IRS1: variants seen among roughly 807,000 people sequenced by gnomAD.
IRS1 encodes insulin receptor substrate 1.
IRS1 carries 34 observed loss-of-function variants against 65.6 expected under a neutral mutation model. The observed-to-expected ratio is 0.52, with a 90% CI of 0.39 to 0.69. The LOEUF is 0.69. IRS1 is among the 30% of genes least tolerant of loss of function. IRS1 has a pLI of 0.00. For synonymous variants in IRS1, 699 were observed against 683.5 expected, an observed-to-expected ratio of 1.02 and a Z score of -0.35; for missense variants, 1,641 against 1,720.2, an observed-to-expected ratio of 0.95 and a Z score of 0.81.
intron 1 of IRS1, among the ~76,000 whole-genome samples, chr2:226,790,936 T>C (rs1939580806): frequency 6.6e-6 from 1 of 152,072 alleles, no homozygotes; most frequent in Non-Finnish European, 1.5e-5. Context: ...GATGGAAAAA[T>C]GAATCTGTGT....
chr2:226,743,934 T>A (rs1376039652), intron 1 of IRS1, among the ~76,000 whole-genome samples: 1 of 152,248 alleles, frequency 6.6e-6, no homozygotes, highest in Admixed American at 6.5e-5. Context: ...CTTTGCTTTT[T>A]TTGTTAAAAA....
intron 1 of IRS1, among the ~76,000 whole-genome samples, chr2:226,786,074 C>T (rs916311253): frequency 4.0e-5 from 6 of 148,990 alleles, no homozygotes; most frequent in African/African-American, 1.5e-4. Context: ...GACATGCACT[C>T]GTCCTTTTTT....
intron 1 of IRS1, among the ~76,000 whole-genome samples, chr2:226,785,804 A>G (rs1559156231): frequency 6.6e-6 from 1 of 151,538 alleles, no homozygotes; most frequent in Non-Finnish European, 1.5e-5. Flanking sequence ...CAGGTTAGTT[A>G]CATATGTATA....
At chr2:226,783,016 A>G (rs1268669745) in intron 1 of IRS1, among the ~76,000 whole-genome samples, 1 of 152,178 alleles carries the variant, frequency 6.6e-6, no homozygotes, top group Non-Finnish European at 1.5e-5. Context: ...AAACAAAACA[A>G]AGTGTAATCC....
intron 1 of IRS1, among the ~76,000 whole-genome samples, chr2:226,784,230 C>T (rs1939443821): frequency 6.6e-6 from 1 of 152,062 alleles, no homozygotes; most frequent in African/African-American, 2.4e-5. Flanking sequence ...AACTAGATAG[C>T]TTCATATATA....
rs1015275974 is a variant in IRS1 at position 226,734,320 on chromosome 2, T to C, written c.*1952A>G. On this transcript the variant is annotated 3_prime_UTR_variant, in exon 2 of 2. Transcript: ENST00000305123. ...CTTGAAAACAATGGATTCTTATGACTCTAGACCCTATTTATCTTAGAAATT... is the reference window on the plus strand; with the variant it reads ...CTTGAAAACAATGGATTCTTATGACCCTAGACCCTATTTATCTTAGAAATT... 20 of 152,232 alleles carry C rather than the reference T, an allele frequency of 1.3e-4. No individual in the cohort carries two copies. Among genetic ancestry groups the C allele is most frequent in the African/African-American group, 4.6e-4 (19 of 41,450 alleles). 9.4% of individuals were successfully genotyped at this position (152,232 alleles called of 1,614,324 possible). A position where few individuals can be genotyped will look rare whatever the true frequency, so the allele number is the denominator to read the frequency against.
chr2:226,763,718 A>C (rs2106167983), intron 1 of IRS1, among the ~76,000 whole-genome samples: 1 of 152,294 alleles, frequency 6.6e-6, no homozygotes, highest in South Asian at 2.1e-4. Context: ...TTTCATCTAG[A>C]ATTATTCACT....
At chr2:226,743,015 A>C (rs1399125234) in intron 1 of IRS1, among the ~76,000 whole-genome samples, 3 of 152,234 alleles carry the variant, frequency 2.0e-5, no homozygotes, top group African/African-American at 7.2e-5. Context: ...CTTTTTATTA[A>C]CAGGAAGCAT....
At chr2:226,761,812 A>G (rs1279037485) in intron 1 of IRS1, among the ~76,000 whole-genome samples, 1 of 152,234 alleles carries the variant, frequency 6.6e-6, no homozygotes, top group African/African-American at 2.4e-5. Flanking sequence ...TGACTGTTCC[A>G]TGAATGCAGT....
intron 1 of IRS1, among the ~76,000 whole-genome samples, chr2:226,751,170 T>G (rs1352691377): frequency 1.3e-5 from 2 of 151,932 alleles, no homozygotes; most frequent in Non-Finnish European, 2.9e-5. Context: ...AATGAGAAAC[T>G]TCTGCCGCCA....
rs372407407 is a variant in IRS1 at position 226,798,706 on chromosome 2, C to G, written c.33G>C (p.Ser11=). The G allele has an allele frequency of 2.5e-6, 4 of 1,612,656 alleles. No individual in the cohort carries two copies. Among genetic ancestry groups the G allele is most frequent in the East Asian group, 2.2e-5 (1 of 44,872 alleles). Residue 11 remains serine (S), a synonymous_variant, in exon 1 of 2, where the codon TCG becomes TCC. Coordinates refer to ENST00000305123, the MANE Select transcript of IRS1 (RefSeq NM_005544.3). The surrounding 1 kb of genome is among the most constrained non-coding windows in gnomAD (Gnocchi z 9.4). ...GCAGGTAGCCCACCTTGCGCACGTC[C>G]GAGAAGCCATCGCTCTCCGGAGGGC... MASPPESDGF[S]DVRKVGYLRK... is the part of the protein sequence containing the mutation.
rs185110878 is a variant in IRS1 at position 226,773,644 on chromosome 2, G to A, written c.*21+21345C>T. On this transcript the variant is annotated intron_variant, in intron 1 of 1. Transcript: ENST00000305123. Reference sequence around the variant, plus strand: ...TGCAAGTTAAAAAAAAAAAAGAATGGGACTGTAGAGCATACCTGGGATTTT... The same window carrying A: ...TGCAAGTTAAAAAAAAAAAAGAATGAGACTGTAGAGCATACCTGGGATTTT... 1.6e-3 allele frequency among the ~76,000 whole-genome samples: 249 copies of A among 151,910 alleles called. 1 individual carries two copies. Among genetic ancestry groups the A allele is most frequent in the African/African-American group, 5.9e-3 (244 of 41,410 alleles).
intron 1 of IRS1, among the ~76,000 whole-genome samples, chr2:226,758,902 G>A (rs1034658539): frequency 7.9e-5 from 12 of 152,220 alleles, no homozygotes; most frequent in Admixed American, 6.5e-5. Context: ...TACAGGTACT[G>A]TCTTTCAAGA....
intron 1 of IRS1, among the ~76,000 whole-genome samples, chr2:226,763,609 A>C (rs1938965096): frequency 6.6e-6 from 1 of 152,160 alleles, no homozygotes; most frequent in Non-Finnish European, 1.5e-5. Context: ...TACATTCCAA[A>C]ATATTAGGTC....
At chr2:226,763,983 T>C (rs565983194) in intron 1 of IRS1, among the ~76,000 whole-genome samples, 10 of 152,212 alleles carry the variant, frequency 6.6e-5, no homozygotes, top group Admixed American at 3.9e-4. Context: ...GTATAGTAAA[T>C]GAACTTCAAA....
intron 1 of IRS1, among the ~76,000 whole-genome samples, chr2:226,739,008 G>A (rs1172622565): frequency 6.6e-6 from 1 of 152,178 alleles, no homozygotes; most frequent in Non-Finnish European, 1.5e-5. Context: ...TAAGGACAGA[G>A]ACCCAGGGCC....
chr2:226,744,297 TC>T (rs1938496208), intron 1 of IRS1, among the ~76,000 whole-genome samples: 1 of 152,216 alleles, frequency 6.6e-6, no homozygotes, highest in African/African-American at 2.4e-5. Context: ...GTAAGAAAAA[TC>T]TACTGAATTG....
rs1397135584 is a variant in IRS1, at chr2:226,797,865, G to C, written c.874C>G (p.Pro292Ala). Residue 292 changes from proline to alanine, a missense_variant, in exon 1 of 2, where the codon CCC (proline) becomes GCC (alanine). By Grantham distance (27) the Pro-to-Ala change is conservative. Coordinates refer to ENST00000305123, the MANE Select transcript of IRS1 (RefSeq NM_005544.3). This position sits in a 1 kb window ranked among gnomAD's most constrained non-coding sequence, Gnocchi z 8.1. ...GTCAGCCCCACCTGGCTGGGCGGGG[G>C]ATTGTTGAGATGGTGCCGGCGCAGG... ...VPLRRHHLNN[P>A]PPSQVGLTRR... 1.2e-6 allele frequency: 2 copies of C among 1,605,590 alleles called. No individual in the cohort carries two copies. The highest frequency in any genetic ancestry group is 1.7e-5 in the Admixed American group (1 of 59,852).
At chr2:226,767,675 G>A (rs1330953381) in intron 1 of IRS1, among the ~76,000 whole-genome samples, 1 of 152,222 alleles carries the variant, frequency 6.6e-6, no homozygotes, top group Non-Finnish European at 1.5e-5. Flanking sequence ...TCAGAAGCTA[G>A]TGCAGCCTGC....
Sources: gnomAD v4.1 joint callset for allele counts (sites outside exome capture counted in the v4.1 genomes callset) on GRCh38, gnomAD v4.1.1 for gene constraint, Gnocchi (gnomAD v3.1) non-coding constraint, MANE v1.5 for transcripts, NCBI Gene and HGNC (gene_info 2026-07-23, HGNC 2026-07-21) for gene names.